The following KCNH8 variants were observed in gnomAD, a reference collection of about 807,000 sequenced individuals.
KCNH8 encodes voltage-gated delayed rectifier potassium channel KCNH8.
A neutral mutation model predicts 103.6 loss-of-function variants in KCNH8; 70 were observed. The observed-to-expected ratio is 0.68, with a 90% confidence interval of 0.56 to 0.82. The LOEUF (loss-of-function observed/expected upper bound fraction) is 0.82, where lower values mean the gene tolerates loss of function less well. Among genes scored for constraint, KCNH8 ranks in the 40% least tolerant of loss-of-function variants. The pLI is 0.00. For synonymous variants in KCNH8, 498 were observed against 489.4 expected (o/e 1.02, Z -0.23); for missense variants, 1,217 against 1,329.9 (o/e 0.92, Z 1.32).
chr3:19,335,777 G>T lies in KCNH8; in HGVS notation c.443-6810G>T, dbSNP rs376345289. On this transcript the variant is annotated intron_variant, in intron 3 of 15. Transcript: ENST00000328405. ...GGAACTATTTTGGTAATTGACTCCT[G>T]CCCTCAAAGTATTCATTAAATCTAA... is the stretch of plus-strand genomic sequence containing the variant. 8.6e-5 allele frequency among the ~76,000 whole-genome samples: 13 copies of T among 151,512 alleles called. 1 individual carries two copies. Among genetic ancestry groups the T allele is most frequent in the Admixed American group, 4.6e-4 (7 of 15,180 alleles).
intron 1 of KCNH8, among the ~76,000 whole-genome samples, chr3:19,234,572 C>G (rs1474731565): frequency 2.0e-5 from 3 of 152,228 alleles, no homozygotes; most frequent in Non-Finnish European, 4.4e-5. Context: ...GCGGAACTCC[C>G]GCTGGCCCGC....
At chr3:19,388,728 C>T (rs944895976) in intron 5 of KCNH8, among the ~76,000 whole-genome samples, 5 of 152,054 alleles carry the variant, frequency 3.3e-5, no homozygotes, top group Admixed American at 3.3e-4. Context: ...CCAGGACTTG[C>T]CTCTAGATCT....
intron 1 of KCNH8, among the ~76,000 whole-genome samples, chr3:19,249,751 G>A (rs2064252317): frequency 6.6e-6 from 1 of 152,034 alleles, no homozygotes; most frequent in African/African-American, 2.4e-5. Flanking sequence ...GGATACATAA[G>A]GGGTGAAAAC....
Position 19,533,512 on chromosome 3 carries a change from A to G in KCNH8, c.2737A>G (p.Thr913Ala). 13 of 1,614,146 alleles carry G rather than the reference A, an allele frequency of 8.1e-6. No individual in the cohort carries two copies. Among genetic ancestry groups the G allele is most frequent in the Non-Finnish European group, 1.1e-5 (13 of 1,180,010 alleles). ...QPSRFCSLHSTSVCPSRESLQ... is the reference protein window; with the variant it reads ...QPSRFCSLHSASVCPSRESLQ... ...ATCACGGTTTTGCTCTTTGCACAGC[A>G]CCTCTGTGTGTCCCTCCAGGGAGAG... Residue 913 changes from threonine to alanine, a missense_variant, in exon 16 of 16, where the codon ACC becomes GCC. Thr to Ala is a moderately conservative substitution (Grantham distance 58). Transcript: ENST00000328405.
chr3:19,222,377 C>T (rs1468402373), intron 1 of KCNH8, among the ~76,000 whole-genome samples: 6 of 152,030 alleles, frequency 3.9e-5, no homozygotes, highest in Non-Finnish European at 5.9e-5. Context: ...ATAGATACTT[C>T]GGTGAAAAAT....
intron 1 of KCNH8, among the ~76,000 whole-genome samples, chr3:19,149,159 T>C (rs764728224): frequency 6.6e-6 from 1 of 152,150 alleles, no homozygotes; most frequent in Non-Finnish European, 1.5e-5. Context: ...TTCTAGAGTT[T>C]CAAGGCTCCC....
chr3:19,472,377 T>C (rs996164942), intron 11 of KCNH8, among the ~76,000 whole-genome samples: 9 of 152,160 alleles, frequency 5.9e-5, no homozygotes, highest in Non-Finnish European at 1.2e-4. Flanking sequence ...TTCTCATAAT[T>C]CCCACTGTTG....
intron 15 of KCNH8, among the ~76,000 whole-genome samples, chr3:19,518,782 T>C (rs924876618): frequency 1.6e-4 from 24 of 152,030 alleles, no homozygotes; most frequent in Non-Finnish European, 3.5e-4. Flanking sequence ...TTATCTACTT[T>C]TTATTTCTAT....
intron 3 of KCNH8, among the ~76,000 whole-genome samples, chr3:19,336,083 A>G (rs1224365628): frequency 6.6e-6 from 1 of 151,394 alleles, no homozygotes; most frequent in Non-Finnish European, 1.5e-5. Context: ...TTTATTTGGT[A>G]TCTTAAAGTT....
In KCNH8 at chr3:19,392,585, A is replaced by G. The variant is rs1263624816; in HGVS notation, c.969+1947A>G. 2.0e-5 allele frequency among the ~76,000 whole-genome samples: 3 copies of G among 152,036 alleles called. No homozygotes were observed. In the South Asian group the frequency reaches 6.2e-4, roughly 31 times the overall value. Reference sequence around the variant, plus strand: ...TCTTTTACAACAAAGACTTAGAAAAAGAAACAAATAACCAAAGATGTTTGT... The same window carrying G: ...TCTTTTACAACAAAGACTTAGAAAAGGAAACAAATAACCAAAGATGTTTGT... On this transcript the variant is annotated intron_variant, in intron 6 of 15. Transcript: ENST00000328405.
chr3:19,173,413 A>G (rs1354544680), intron 1 of KCNH8, among the ~76,000 whole-genome samples: 5 of 152,218 alleles, frequency 3.3e-5, no homozygotes, highest in Non-Finnish European at 7.3e-5. Context: ...TATGTGCCAT[A>G]CAATGTGCAA....
chr3:19,288,697 A>G lies in KCNH8; in HGVS notation c.442+7368A>G, dbSNP rs145824224. Among the ~76,000 whole-genome samples the G allele has an allele frequency of 1.2e-4, 19 of 152,256 alleles. No homozygotes were observed. The East Asian group carries it at 1.4e-3, about 11-fold the overall frequency. Reference sequence around the variant, plus strand: ...ATAGTGCCGCAATAAACATACGTGTACATGTGTCTTTATAGCAGCATGATT... The same window carrying G: ...ATAGTGCCGCAATAAACATACGTGTGCATGTGTCTTTATAGCAGCATGATT... On this transcript the variant is annotated intron_variant, in intron 3 of 15. Coordinates refer to ENST00000328405, the MANE Select transcript of KCNH8 (RefSeq NM_144633.3).
intron 5 of KCNH8, among the ~76,000 whole-genome samples, chr3:19,379,166 G>A (rs2066254472): frequency 6.6e-6 from 1 of 152,112 alleles, no homozygotes; most frequent in African/African-American, 2.4e-5. Context: ...TTGAAAATCT[G>A]AATTGACCAT....
At chr3:19,430,798 T>C (rs2067109143) in intron 7 of KCNH8, among the ~76,000 whole-genome samples, 1 of 152,142 alleles carries the variant, frequency 6.6e-6, no homozygotes, top group South Asian at 2.1e-4. Flanking sequence ...CCATTGTTGA[T>C]ATATAGAAAT....
chr3:19,268,183 A>G (rs1045620350), intron 2 of KCNH8, among the ~76,000 whole-genome samples: 4 of 152,148 alleles, frequency 2.6e-5, no homozygotes, highest in Non-Finnish European at 5.9e-5. Flanking sequence ...AGAATGACTA[A>G]TCAAATAATC....
At chr3:19,401,873 C>G (rs1325626498) in intron 7 of KCNH8, among the ~76,000 whole-genome samples, 1 of 151,892 alleles carries the variant, frequency 6.6e-6, no homozygotes, top group Non-Finnish European at 1.5e-5. Flanking sequence ...AAGGGAATTT[C>G]TGGGTTTCAG....
At chr3:19,257,379 G>T (rs893731637) in intron 2 of KCNH8, among the ~76,000 whole-genome samples, 5 of 151,928 alleles carry the variant, frequency 3.3e-5, no homozygotes, top group Admixed American at 6.6e-5. Context: ...ATCATCTCTG[G>T]TTTTCCCTAT....
At chr3:19,414,152 A>T (rs2066826964) in intron 7 of KCNH8, among the ~76,000 whole-genome samples, 2 of 152,180 alleles carry the variant, frequency 1.3e-5, no homozygotes, top group East Asian at 3.9e-4. Flanking sequence ...TTGCTTTAAA[A>T]CGTAACAGTC....
intron 5 of KCNH8, among the ~76,000 whole-genome samples, chr3:19,379,257 A>C (rs758067347): frequency 3.4e-4 from 52 of 152,236 alleles, no homozygotes; most frequent in Non-Finnish European, 6.8e-4. Flanking sequence ...AGAGGAAGTT[A>C]TGTTTGAATC....
Sources: allele counts gnomAD v4.1 joint callset (sites outside exome capture counted in the v4.1 genomes callset), GRCh38; gene constraint gnomAD v4.1.1; transcripts MANE v1.5; gene names NCBI Gene and HGNC (gene_info 2026-07-23, HGNC 2026-07-21).